DMD: variants seen among roughly 807,000 people sequenced by gnomAD.
DMD encodes dystrophin.
DMD carries 63 observed loss-of-function variants against 330.1 expected under a neutral mutation model. The ratio of observed to expected loss-of-function variants is 0.19; its 90% confidence interval spans 0.16 to 0.24. The LOEUF is 0.24. DMD is among the 10% of genes least tolerant of loss of function. The pLI is 1.00. For synonymous variants in DMD, 1,223 were observed against 959.8 expected, an observed-to-expected ratio of 1.27 and a Z score of -5.07; for missense variants, 3,344 against 2,684.1, an observed-to-expected ratio of 1.25 and a Z score of -5.43.
chrX:33,120,257 G>A (rs1223271851), intron 1 of DMD, among the ~76,000 whole-genome samples: 2 of 111,891 alleles, frequency 1.8e-5, no homozygotes, highest in East Asian at 5.7e-4. Flanking sequence ...AAGGTAAGGA[G>A]GCAATCAAAG....
intron 7 of DMD, among the ~76,000 whole-genome samples, chrX:32,766,394 T>C (rs1195508247): frequency 9.0e-6 from 1 of 111,575 alleles, no homozygotes; most frequent in Admixed American, 9.6e-5. Context: ...TGTTTTGTAG[T>C]TGTCAGTGTA....
chrX:32,060,105 G>GTGAC (rs57161565), intron 44 of DMD, among the ~76,000 whole-genome samples: 15,198 of 110,854 alleles, frequency 0.14, 758 homozygotes, highest in African/African-American at 0.18. Flanking sequence ...TACTTGCACA[G>GTGAC]TGACAGAATT....
intron 44 of DMD, among the ~76,000 whole-genome samples, chrX:32,057,133 G>A (rs6527158): frequency 0.35 from 38,260 of 109,822 alleles, 6,804 homozygotes; most frequent in African/African-American, 0.69. Flanking sequence ...AATAAAAACC[G>A]TATATGAAAA....
At chrX:31,742,728 C>A (rs1489489676) in intron 51 of DMD, among the ~76,000 whole-genome samples, 1 of 111,718 alleles carries the variant, frequency 9.0e-6, no homozygotes, top group Non-Finnish European at 1.9e-5. Context: ...CATTAGATCT[C>A]AAATTATAAG....
chrX:32,766,311 A>C lies in DMD; in HGVS notation c.649+43182T>G, dbSNP rs1354408344. Among the ~76,000 whole-genome samples the C allele has an allele frequency of 3.6e-5, 4 of 111,331 alleles. No individual in the cohort carries two copies. In the East Asian group the frequency reaches 1.1e-3, roughly 32 times the overall value. On this transcript the variant is annotated intron_variant, in intron 7 of 78. Transcript: ENST00000357033. Reference sequence around the variant, plus strand: ...CTCGGATACCTCAACAACAATATTGAGTGTTCCATTTCATAAACCTGGGGT... The same window carrying C: ...CTCGGATACCTCAACAACAATATTGCGTGTTCCATTTCATAAACCTGGGGT...
chrX:31,764,079 C>G (rs970915253), intron 51 of DMD, among the ~76,000 whole-genome samples: 2 of 110,965 alleles, frequency 1.8e-5, no homozygotes, highest in African/African-American at 6.6e-5. Context: ...TGAAGTCTCA[C>G]TCTGTTGCCC....
intron 44 of DMD, among the ~76,000 whole-genome samples, chrX:32,209,667 G>T (rs2097085961): frequency 9.0e-6 from 1 of 110,765 alleles, no homozygotes; most frequent in South Asian, 3.8e-4. Context: ...CTCATTTTTT[G>T]TAGTCTCTTA....
At chrX:31,167,767 G>A (rs1028177056) in intron 74 of DMD, among the ~76,000 whole-genome samples, 2 of 111,957 alleles carry the variant, frequency 1.8e-5, no homozygotes, top group Middle Eastern at 4.2e-3. Flanking sequence ...GTACTCATGT[G>A]ATGTTCTTGC....
At chrX:31,869,593 A>G (rs1258901927) in intron 48 of DMD, among the ~76,000 whole-genome samples, 2 of 108,581 alleles carry the variant, frequency 1.8e-5, no homozygotes, top group African/African-American at 3.3e-5. Flanking sequence ...GTGACTGCCC[A>G]TATTATTACT....
intron 9 of DMD, among the ~76,000 whole-genome samples, chrX:32,697,345 A>G (rs2063732790): frequency 8.9e-6 from 1 of 111,816 alleles, no homozygotes; most frequent in Admixed American, 9.6e-5. Context: ...CCTGCTATAC[A>G]CAAGTTTAAA....
intron 18 of DMD, among the ~76,000 whole-genome samples, chrX:32,512,612 G>A (rs745750648): frequency 8.9e-6 from 1 of 112,562 alleles, no homozygotes; most frequent in African/African-American, 3.2e-5. Context: ...AAAATGGCTA[G>A]AAATTAGTTT....
chrX:31,709,055 T>C (rs985718416), intron 52 of DMD, among the ~76,000 whole-genome samples: 6 of 111,840 alleles, frequency 5.4e-5, no homozygotes, highest in Admixed American at 4.7e-4. Context: ...ACAGATCACT[T>C]GAATTCAGGA....
At chrX:31,936,753 T>C (rs958465862) in intron 45 of DMD, among the ~76,000 whole-genome samples, 1 of 111,801 alleles carries the variant, frequency 8.9e-6, no homozygotes, top group Non-Finnish European at 1.9e-5. Context: ...CATTTATTCT[T>C]GATCCTTTAC....
rs1569558911 is a variant in DMD at position 32,342,250 on chromosome X, C to A, written c.5772G>T (p.Glu1924Asp). ...CTTGCCTACGCACTGCATTCAGCTCCTCTTTCTTCTTCTGCAATTCCCGAT... is the reference window on the plus strand; with the variant it reads ...CTTGCCTACGCACTGCATTCAGCTCATCTTTCTTCTTCTGCAATTCCCGAT... ...EIDRELQKKKEELNAVRRQAE... is the reference protein window; with the variant it reads ...EIDRELQKKKDELNAVRRQAE... The change falls in exon 41 of 79, where the codon GAG becomes GAT. Residue 1924 changes from glutamate to aspartate, a missense_variant. Coordinates refer to ENST00000357033, the MANE Select transcript of DMD (RefSeq NM_004006.3). The A allele has an allele frequency of 5.0e-6, 6 of 1,211,608 alleles. No individual in the cohort carries two copies. The highest frequency in any genetic ancestry group is 6.7e-6 in the Non-Finnish European group (6 of 895,515).
intron 34 of DMD, among the ~76,000 whole-genome samples, chrX:32,376,019 C>T (rs1289821484): frequency 1.8e-5 from 2 of 111,638 alleles, no homozygotes; most frequent in Non-Finnish European, 3.8e-5. Flanking sequence ...GTGACTCACA[C>T]CTGTAATCCC....
chrX:32,507,873 GTCA>G (rs1010101789), intron 18 of DMD, among the ~76,000 whole-genome samples: 14 of 110,853 alleles, frequency 1.3e-4, no homozygotes, highest in African/African-American at 4.3e-4. Context: ...TATATCAAAG[GTCA>G]TCATATTAGG....
At chrX:32,196,608 A>G (rs1340524021) in intron 44 of DMD, among the ~76,000 whole-genome samples, 1 of 111,477 alleles carries the variant, frequency 9.0e-6, no homozygotes, top group Non-Finnish European at 1.9e-5. Context: ...AAATATCTCC[A>G]ATGTTCAATC....
Position 31,505,008 on chromosome X carries a change from T to C in DMD, c.8390+2273A>G, listed in dbSNP as rs776576756. 5.3e-5 allele frequency among the ~76,000 whole-genome samples: 6 copies of C among 112,257 alleles called. No homozygotes were observed. In the South Asian group the frequency reaches 1.8e-3, roughly 34 times the overall value. The stretch of plus-strand genomic sequence containing the variant: ...TGAAGAGTCCATATTTTGGCTGACA[T>C]GCTATTTGCCACTTTCAATTCTCCT... On this transcript the variant is annotated intron_variant, in intron 56 of 78. Transcript: ENST00000357033.
chrX:31,262,504 A>T (rs1170644705), intron 62 of DMD, among the ~76,000 whole-genome samples: 1 of 112,768 alleles, frequency 8.9e-6, no homozygotes, highest in Non-Finnish European at 1.9e-5. Context: ...AATATTTACT[A>T]GTCAGTGATT....
Sources: gnomAD v4.1 joint callset for allele counts (sites outside exome capture counted in the v4.1 genomes callset) on GRCh38, gnomAD v4.1.1 for gene constraint, MANE v1.5 for transcripts, NCBI Gene and HGNC (gene_info 2026-07-23, HGNC 2026-07-21) for gene names.